The following ANKH variants were observed in gnomAD, a reference collection of about 807,000 sequenced individuals.
ANKH encodes the protein ANKH inorganic pyrophosphate transport regulator, also known as mineralization regulator ANKH.
In ANKH, 15 loss-of-function variants were observed where a neutral mutation model predicts 49.0. That is an observed-to-expected ratio of 0.31 (90% confidence interval 0.20 to 0.47). The LOEUF is 0.47. ANKH is among the 20% of genes least tolerant of loss of function. The pLI is 1.00. For synonymous variants in ANKH, 273 were observed against 260.0 expected (o/e 1.05, Z -0.48); for missense variants, 429 against 652.0 (o/e 0.66, Z 3.72).
intron 1 of ANKH, among the ~76,000 whole-genome samples, chr5:14,861,550 C>T (rs1334923633): frequency 6.6e-6 from 1 of 152,164 alleles, no homozygotes; most frequent in Non-Finnish European, 1.5e-5. Flanking sequence ...GTGAGATAGC[C>T]TAGTGGGTGT....
intron 3 of ANKH, among the ~76,000 whole-genome samples, chr5:14,758,233 AG>A (rs1307202419): frequency 2.6e-5 from 4 of 152,228 alleles, no homozygotes; most frequent in Admixed American, 2.0e-4. Flanking sequence ...CAATTTGTAG[AG>A]TTACAAAGTA....
intron 1 of ANKH, among the ~76,000 whole-genome samples, chr5:14,855,544 T>A (rs550500334): frequency 1.3e-5 from 2 of 152,238 alleles, no homozygotes; most frequent in South Asian, 4.1e-4. Flanking sequence ...TCTCATTGAG[T>A]AACCAGCATA....
chr5:14,768,663 C>A, intron 2 of ANKH: 1 of 456,366 alleles, frequency 2.2e-6, no homozygotes, highest in Non-Finnish European at 4.0e-6. Context: ...ATGACGCACA[C>A]ATATCTCTAA....
Position 14,822,421 on chromosome 5 carries a change from G to A in ANKH, c.96+48931C>T, listed in dbSNP as rs183668331. On this transcript the variant is annotated intron_variant, in intron 1 of 11. Coordinates refer to ENST00000284268, the MANE Select transcript of ANKH (RefSeq NM_054027.6). ...TGCATGAGACACTTCTTTGGAGGAG[G>A]CTGTTTTTCCTAGCCATCTGAACAG... Among the ~76,000 whole-genome samples the A allele has an allele frequency of 4.6e-3, 698 of 152,212 alleles. 4 individuals are homozygous for A. The highest frequency in any genetic ancestry group is 7.4e-3 in the Non-Finnish European group (501 of 68,020).
chr5:14,749,141 A>G (rs1481569472), intron 6 of ANKH, 31 bp downstream of exon 6: 1 of 1,613,904 alleles, frequency 6.2e-7, no homozygotes, highest in Admixed American at 1.7e-5. Context: ...CAAGGTGATC[A>G]TAAGCCCCAC....
rs528967047 is a variant in ANKH at position 14,760,629 on chromosome 5, C to T, written c.314-2031G>A. ...GACCATCCTGACCTTGCCCACATTGCTGTCCCCACACCCACCTCTCAGCTG... is the reference window on the plus strand; with the variant it reads ...GACCATCCTGACCTTGCCCACATTGTTGTCCCCACACCCACCTCTCAGCTG... On this transcript the variant is annotated intron_variant, in intron 2 of 11. Coordinates refer to ENST00000284268, the MANE Select transcript of ANKH (RefSeq NM_054027.6). Among the ~76,000 whole-genome samples the T allele has an allele frequency of 7.2e-5, 11 of 152,340 alleles. No homozygotes were observed. The East Asian group carries it at 2.1e-3, about 29-fold the overall frequency.
chr5:14,869,731 G>A (rs1181978044), intron 1 of ANKH: 1 of 152,162 alleles, frequency 6.6e-6, no homozygotes, highest in East Asian at 1.9e-4. Context: ...AGGCAATATT[G>A]TGGTATGCGT....
chr5:14,838,636 G>C (rs919414158), intron 1 of ANKH, among the ~76,000 whole-genome samples: 1 of 152,134 alleles, frequency 6.6e-6, no homozygotes, highest in East Asian at 1.9e-4. Context: ...GGCAGAGGAT[G>C]GGACAAGCTG....
chr5:14,808,331 T>C (rs1740767990), intron 1 of ANKH, among the ~76,000 whole-genome samples: 1 of 152,220 alleles, frequency 6.6e-6, no homozygotes, highest in Non-Finnish European at 1.5e-5. Flanking sequence ...TCTAAGACTT[T>C]ATAAACAGAA....
intron 6 of ANKH, among the ~76,000 whole-genome samples, chr5:14,747,093 C>A (rs1310489530): frequency 1.3e-5 from 2 of 152,186 alleles, no homozygotes; most frequent in Admixed American, 6.5e-5. Flanking sequence ...AGCCTCCACT[C>A]CGTCCTTCAG....
intron 8 of ANKH, among the ~76,000 whole-genome samples, chr5:14,733,931 T>C (rs1226039698): frequency 5.9e-5 from 9 of 152,216 alleles, no homozygotes; most frequent in Admixed American, 5.9e-4. Context: ...CTGTACACTG[T>C]CTTTAAGCTG....
At position 14,713,236 on chromosome 5, in the gene ANKH, C is replaced by T. The variant is rs189154993; in HGVS notation, c.1266-263G>A. Among the ~76,000 whole-genome samples the T allele has an allele frequency of 4.6e-3, 702 of 152,258 alleles. 4 individuals carry two copies. Among genetic ancestry groups the T allele is most frequent in the African/African-American group, 0.016 (654 of 41,544 alleles). ...CCCAGGACGCTGGGAGCTCCCTGAG[C>T]GCAGGGACCATGTCCTTCTCTTCTG... On this transcript the variant is annotated intron_variant, in intron 10 of 11. Coordinates refer to ENST00000284268, the MANE Select transcript of ANKH (RefSeq NM_054027.6). The surrounding 1 kb of genome is among the most constrained non-coding windows in gnomAD (Gnocchi z 4.4).
intron 1 of ANKH, among the ~76,000 whole-genome samples, chr5:14,815,642 GC>G (rs942235243): frequency 5.9e-5 from 9 of 152,044 alleles, no homozygotes; most frequent in Admixed American, 1.3e-4. Flanking sequence ...GTACTCGTTC[GC>G]CCCTACTAAG....
chr5:14,720,585 T>A (rs775857419), intron 8 of ANKH, among the ~76,000 whole-genome samples: 1 of 152,192 alleles, frequency 6.6e-6, no homozygotes, highest in Non-Finnish European at 1.5e-5. Flanking sequence ...ATATGTCCCA[T>A]AGCAGTAAAA....
At chr5:14,793,606 G>A (rs966284376) in intron 1 of ANKH, among the ~76,000 whole-genome samples, 1 of 152,208 alleles carries the variant, frequency 6.6e-6, no homozygotes, top group Non-Finnish European at 1.5e-5. Flanking sequence ...AAGCAGCCAG[G>A]CCGGGAGTCT....
chr5:14,788,756 A>G (rs1740059830), intron 1 of ANKH, among the ~76,000 whole-genome samples: 1 of 152,212 alleles, frequency 6.6e-6, no homozygotes, highest in African/African-American at 2.4e-5. Context: ...ACAGAAACAC[A>G]GGGGGATAGC....
At position 14,713,492 on chromosome 5, in the gene ANKH, C is replaced by T; in HGVS notation, c.1265+52G>A. ...AATGTAGCTGTTAAACCTCTGGACACAGTATTGAAGTGGCAGAAGGACCCA... is the reference window on the plus strand; with the variant it reads ...AATGTAGCTGTTAAACCTCTGGACATAGTATTGAAGTGGCAGAAGGACCCA... On this transcript the variant is annotated intron_variant, in intron 10 of 11. Coordinates refer to ENST00000284268, the MANE Select transcript of ANKH (RefSeq NM_054027.6). This position sits in a 1 kb window ranked among gnomAD's most constrained non-coding sequence, Gnocchi z 4.4. The T allele has an allele frequency of 6.2e-7, 1 of 1,610,296 alleles. No individual in the cohort carries two copies. The highest frequency in any genetic ancestry group is 1.7e-5 in the Admixed American group (1 of 59,662).
chr5:14,728,612 C>T (rs1196935890), intron 8 of ANKH, among the ~76,000 whole-genome samples: 1 of 152,160 alleles, frequency 6.6e-6, no homozygotes, highest in African/African-American at 2.4e-5. Flanking sequence ...ATGGTGCCAC[C>T]GCTGGAATAT....
At chr5:14,781,490 G>A (rs751989578) in intron 1 of ANKH, among the ~76,000 whole-genome samples, 2 of 152,198 alleles carry the variant, frequency 1.3e-5, no homozygotes, top group Non-Finnish European at 2.9e-5. Context: ...ACGGTACAAC[G>A]ATGTTTGGCT....
Sources: gnomAD v4.1 joint callset for allele counts (sites outside exome capture counted in the v4.1 genomes callset) on GRCh38, gnomAD v4.1.1 for gene constraint, Gnocchi (gnomAD v3.1) non-coding constraint, MANE v1.5 for transcripts, NCBI Gene and HGNC (gene_info 2026-07-23, HGNC 2026-07-21) for gene names.